Variants in AGBL4 observed in about 807,000 individuals in gnomAD.
The protein encoded by AGBL4 is AGBL carboxypeptidase 4.
Under a neutral mutation model 66.4 loss-of-function variants are expected in AGBL4, and 58 were observed. The observed-to-expected ratio is 0.87, with a 90% confidence interval of 0.71 to 1.09. AGBL4 has a LOEUF of 1.09. AGBL4 is among the 50% of genes least tolerant of loss of function. The pLI, the probability that AGBL4 is intolerant of heterozygous loss-of-function variation, is 0.00. For missense variants in AGBL4, 579 were observed against 631.0 expected (o/e 0.92, Z 0.88); for synonymous variants, 234 against 222.9 (o/e 1.05, Z -0.44).
chr1:49,680,693 A>C (rs940692553), intron 3 of AGBL4, among the ~76,000 whole-genome samples: 1 of 151,770 alleles, frequency 6.6e-6, no homozygotes, highest in Non-Finnish European at 1.5e-5. Context: ...ATGTCTTGCC[A>C]TGGTTTTATT....
chr1:49,338,562 T>TTGGCTCAGGCTAGGGTCTGCAG (rs1645481006), intron 3 of AGBL4, among the ~76,000 whole-genome samples: 2 of 152,228 alleles, frequency 1.3e-5, no homozygotes, highest in Admixed American at 6.5e-5. Context: ...GTCCAGATCT[T>TTGGCTCAGGCTAGGGTCTGCAG]TGGCTCAGGC....
At chr1:48,913,513 A>G (rs1323889987) in intron 5 of AGBL4, among the ~76,000 whole-genome samples, 1 of 152,124 alleles carries the variant, frequency 6.6e-6, no homozygotes, top group African/African-American at 2.4e-5. Context: ...GCAGCCTTAG[A>G]TTCTCATAGG....
intron 5 of AGBL4, among the ~76,000 whole-genome samples, chr1:48,931,520 TTCTC>T (rs1655033421): frequency 1.3e-5 from 2 of 152,084 alleles, no homozygotes; most frequent in African/African-American, 2.4e-5. Context: ...TTCTTTCTCT[TTCTC>T]TCTCTTTTTT....
intron 1 of AGBL4, among the ~76,000 whole-genome samples, chr1:49,929,694 G>T (rs1557589507): frequency 6.6e-6 from 1 of 151,494 alleles, no homozygotes; most frequent in Non-Finnish European, 1.5e-5. Flanking sequence ...GGAAACTGGG[G>T]TCTACCTAAA....
At chr1:48,849,800 C>G (rs1435111850) in intron 6 of AGBL4, among the ~76,000 whole-genome samples, 1 of 152,128 alleles carries the variant, frequency 6.6e-6, no homozygotes, top group African/African-American at 2.4e-5. Context: ...TGGTGAAACC[C>G]TGTCTCTACT....
chr1:49,237,515 TATATATATATATATATATATATATATATA>T lies in AGBL4; in HGVS notation c.377+8226_377+8254del, dbSNP rs1650866576. On this transcript the variant is annotated intron_variant, in intron 4 of 13. Coordinates refer to ENST00000371839, the MANE Select transcript of AGBL4 (RefSeq NM_032785.4). ...CCTTTTTTTCCTCAATATTACATTA[TATATATATATATATATATATATATATATA>T]TATATATATATATATATATATATAT... 6.6e-4 allele frequency among the ~76,000 whole-genome samples: 90 copies of T among 136,662 alleles called. 3 individuals are homozygous for T. Among genetic ancestry groups the T allele is most frequent in the Middle Eastern group, 3.9e-3 (1 of 254 alleles). The allele number at this position is 136,662 out of a possible 152,430, so 89.7% of individuals were successfully genotyped here.
intron 7 of AGBL4, 90 bp from the exon 8 acceptor site, chr1:48,653,541 A>C: frequency 1.6e-5 from 16 of 998,322 alleles, no homozygotes; most frequent in East Asian, 2.6e-5. Context: ...AGAAGAGCTC[A>C]ATAGGTGATT....
intron 2 of AGBL4, among the ~76,000 whole-genome samples, chr1:49,781,762 T>G (rs1644342659): frequency 6.6e-6 from 1 of 152,096 alleles, no homozygotes; most frequent in African/African-American, 2.4e-5. Context: ...TATCAATAAA[T>G]TTTTGAAGTT....
chr1:49,856,272 A>C (rs895847103), intron 1 of AGBL4, among the ~76,000 whole-genome samples: 3 of 152,130 alleles, frequency 2.0e-5, no homozygotes, highest in African/African-American at 7.2e-5. Flanking sequence ...TGAAGAAAGC[A>C]CAGGAACAAA....
chr1:49,396,381 C>T (rs1030266088), intron 3 of AGBL4, among the ~76,000 whole-genome samples: 14 of 151,324 alleles, frequency 9.3e-5, no homozygotes, highest in African/African-American at 2.4e-4. Flanking sequence ...TGTGTGTGTG[C>T]GTGTGCACAT....
intron 3 of AGBL4, among the ~76,000 whole-genome samples, chr1:49,401,794 GA>G (rs1645091942): frequency 6.6e-6 from 1 of 152,136 alleles, no homozygotes; most frequent in Non-Finnish European, 1.5e-5. Context: ...ATTCAACAAT[GA>G]AACTATCAGG....
intron 3 of AGBL4, among the ~76,000 whole-genome samples, chr1:49,558,567 C>T (rs1643957871): frequency 6.6e-6 from 1 of 152,120 alleles, no homozygotes. Context: ...TCTTGATCTC[C>T]TCACCTCAGG....
intron 6 of AGBL4, among the ~76,000 whole-genome samples, chr1:48,793,918 C>T (rs2148733500): frequency 6.6e-6 from 1 of 152,230 alleles, no homozygotes; most frequent in South Asian, 2.1e-4. Context: ...CAAGAAGCCC[C>T]ATTGGAAACT....
intron 6 of AGBL4, among the ~76,000 whole-genome samples, chr1:48,676,595 C>A (rs1646369105): frequency 6.6e-6 from 1 of 152,166 alleles, no homozygotes; most frequent in Admixed American, 6.5e-5. Flanking sequence ...ATAGAAATAC[C>A]TGATTAAGAA....
At chr1:48,810,604 G>A (rs1223303394) in intron 6 of AGBL4, among the ~76,000 whole-genome samples, 1 of 152,126 alleles carries the variant, frequency 6.6e-6, no homozygotes, top group Non-Finnish European at 1.5e-5. Context: ...CATAGTCCTG[G>A]GCATAAATAG....
At chr1:49,766,747 T>C (rs1652759819) in intron 2 of AGBL4, among the ~76,000 whole-genome samples, 1 of 151,708 alleles carries the variant, frequency 6.6e-6, no homozygotes, top group Non-Finnish European at 1.5e-5. Flanking sequence ...AGCTATATCA[T>C]GCAAATAGAA....
intron 1 of AGBL4, among the ~76,000 whole-genome samples, chr1:49,974,786 T>C (rs2148371115): frequency 6.6e-6 from 1 of 152,310 alleles, no homozygotes; most frequent in Admixed American, 6.5e-5. Flanking sequence ...ACTTAACTCC[T>C]ACCATCCTCT....
chr1:48,806,558 T>A (rs965929641), intron 6 of AGBL4, among the ~76,000 whole-genome samples: 1 of 152,170 alleles, frequency 6.6e-6, no homozygotes, highest in Non-Finnish European at 1.5e-5. Context: ...ATTGACCCTA[T>A]CCCTTCAAAG....
intron 4 of AGBL4, among the ~76,000 whole-genome samples, chr1:49,156,693 T>C (rs1483070598): frequency 1.3e-5 from 2 of 152,166 alleles, no homozygotes; most frequent in East Asian, 1.9e-4. Flanking sequence ...ATAGAACCCA[T>C]CATATCTTTT....
Sources: allele counts gnomAD v4.1 joint callset (sites outside exome capture counted in the v4.1 genomes callset), GRCh38; gene constraint gnomAD v4.1.1; transcripts MANE v1.5; gene names NCBI Gene and HGNC (gene_info 2026-07-23, HGNC 2026-07-21).